Variants in MS4A13 observed in about 807,000 individuals in gnomAD.
The protein encoded by MS4A13 is membrane spanning 4-domains A13, also known as membrane-spanning 4-domains subfamily A member 13.
Under a neutral mutation model 18.4 loss-of-function variants are expected in MS4A13, and 21 were observed. The observed-to-expected ratio is 1.14, with a 90% CI of 0.81 to 1.64. The LOEUF (loss-of-function observed/expected upper bound fraction) is 1.64, where lower values mean the gene tolerates loss of function less well. Ranked by LOEUF, MS4A13 falls within the 40% of genes most tolerant of loss-of-function variation. The pLI is 0.00. For missense variants in MS4A13, 173 were observed against 176.8 expected (o/e 0.98, Z 0.12); for synonymous variants, 62 against 57.2 (o/e 1.08, Z -0.38).
Position 60,527,859 on chromosome 11 carries a change from A to T in MS4A13, c.307-1506A>T, listed in dbSNP as rs112848773. The stretch of plus-strand genomic sequence containing the variant: ...TCAAAATAAATTAAATTAAAAAATT[A>T]AAAAAAATAAGGAATATGGGTAAAA... On this transcript the variant is annotated intron_variant, in intron 5 of 6. Coordinates refer to ENST00000378186, the MANE Select transcript of MS4A13 (RefSeq NM_001012417.3). Among the ~76,000 whole-genome samples, 1,207 of 152,122 alleles carry T rather than the reference A, an allele frequency of 7.9e-3. 13 individuals carry two copies. The highest frequency in any genetic ancestry group is 0.027 in the African/African-American group (1,116 of 41,500).
chr11:60,533,528 G>A (rs1316293573), intron 6 of MS4A13, among the ~76,000 whole-genome samples: 1 of 119,054 alleles, frequency 8.4e-6, no homozygotes, highest in African/African-American at 3.3e-5. Context: ...TATGTGAAAA[G>A]ACCAAATCTA....
chr11:60,527,390 C>CTGTGTGTG, intron 5 of MS4A13, among the ~76,000 whole-genome samples: 1 of 125,940 alleles, frequency 7.9e-6, no homozygotes, highest in African/African-American at 3.6e-5. Context: ...CTCTCTCTCT[C>CTGTGTGTG]TCTCTCTCTC....
At chr11:60,541,847 A>G (rs1297735055) in intron 6 of MS4A13, among the ~76,000 whole-genome samples, 2 of 152,128 alleles carry the variant, frequency 1.3e-5, no homozygotes, top group African/African-American at 4.8e-5. Context: ...ACCTGTAATC[A>G]TAACACTTTG....
chr11:60,533,602 G>C (rs1422557768), intron 6 of MS4A13, among the ~76,000 whole-genome samples: 1 of 111,588 alleles, frequency 9.0e-6, no homozygotes, highest in Admixed American at 1.0e-4. Flanking sequence ...CACTCTGCAG[G>C]ATATTATCCA....
chr11:60,526,310 G>T (rs1263623148), intron 5 of MS4A13, among the ~76,000 whole-genome samples: 2 of 152,144 alleles, frequency 1.3e-5, no homozygotes, highest in Non-Finnish European at 2.9e-5. Context: ...ATTCAATCTA[G>T]AAATCTTTAG....
At position 60,529,435 on chromosome 11, in the gene MS4A13, A is replaced by T; in HGVS notation, c.377A>T (p.His126Leu). The change falls in exon 6 of 7, where the codon CAC becomes CTC. Residue 126 changes from histidine (H) to leucine (L), a missense_variant. Transcript: ENST00000378186. ...TTGGAATTTTCTATTGCACTTACACACTCAATATACAGCTGTTCCAATTTG... is the reference window on the plus strand; with the variant it reads ...TTGGAATTTTCTATTGCACTTACACTCTCAATATACAGCTGTTCCAATTTG... The part of the protein sequence containing the change: ...YGLEFSIALT[H>L]SIYSCSNLFR... 1 of 1,605,960 alleles carries T rather than the reference A, an allele frequency of 6.2e-7. No homozygotes were observed.
intron 6 of MS4A13, among the ~76,000 whole-genome samples, chr11:60,530,861 T>C (rs183304165): frequency 1.3e-5 from 2 of 152,208 alleles, no homozygotes; most frequent in African/African-American, 4.8e-5. Flanking sequence ...TTTATAAGTG[T>C]TTAGCAAGTT....
At position 60,529,350 on chromosome 11, in the gene MS4A13, G is replaced by GT. The variant is rs368274488; in HGVS notation, c.307-9dup. 11 of 1,439,790 alleles carry GT rather than the reference G, an allele frequency of 7.6e-6. No homozygotes were observed. The African/African-American group carries it at 1.4e-4, about 19-fold the overall frequency. The allele number at this position is 1,439,790 out of a possible 1,614,324, so 89.2% of individuals were successfully genotyped here. A position where few individuals can be genotyped will look rare whatever the true frequency, so the allele number is the denominator to read the frequency against. ...GATAATAGCATTAAGATTTCTCCCT[G>GT]TTTTTTGGTTATAGAAACTTGGGAG... On this transcript the variant is annotated splice_polypyrimidine_tract_variant and intron_variant, in intron 5 of 6. Coordinates refer to ENST00000378186, the MANE Select transcript of MS4A13 (RefSeq NM_001012417.3).
intron 6 of MS4A13, among the ~76,000 whole-genome samples, chr11:60,541,618 T>G (rs1260066679): frequency 1.3e-5 from 2 of 152,158 alleles, no homozygotes; most frequent in African/African-American, 4.8e-5. Flanking sequence ...GAAAAAAAAT[T>G]GACCTTATCT....
intron 6 of MS4A13, among the ~76,000 whole-genome samples, chr11:60,542,228 G>GAAGGAAGGA (rs71043710): frequency 0.54 from 77,872 of 143,458 alleles, 21,658 homozygotes; most frequent in Middle Eastern, 0.64. Flanking sequence ...AGAAAGAAAG[G>GAAGGAAGGA]AAGGAAGGAA....
At chr11:60,518,434 A>G (rs1565209790) in intron 3 of MS4A13, among the ~76,000 whole-genome samples, 2 of 152,222 alleles carry the variant, frequency 1.3e-5, no homozygotes, top group African/African-American at 4.8e-5. Context: ...ACAGGAGTAC[A>G]CAATGACAAC....
chr11:60,529,484 C>T (rs1475917403), intron 6 of MS4A13, 24 bp downstream of exon 6: 3 of 1,381,808 alleles, frequency 2.2e-6, no homozygotes, highest in Non-Finnish European at 3.0e-6. Flanking sequence ...CACTCTCTGG[C>T]AAATCAAAAG....
intron 3 of MS4A13, among the ~76,000 whole-genome samples, chr11:60,522,505 C>CA (rs1392837993): frequency 1.6e-4 from 25 of 152,040 alleles, no homozygotes; most frequent in Admixed American, 6.6e-5. Flanking sequence ...TTATCCCACA[C>CA]TTCGAACAGA....
At chr11:60,532,817 G>A (rs1329593021) in intron 6 of MS4A13, among the ~76,000 whole-genome samples, 1 of 97,952 alleles carries the variant, frequency 1.0e-5, no homozygotes, top group African/African-American at 4.0e-5. Flanking sequence ...GCACGCAGCT[G>A]GAGATCTGAG....
At chr11:60,525,155 A>C in intron 4 of MS4A13, 52 bp from the exon 5 acceptor site, 1 of 1,407,772 alleles carries the variant, frequency 7.1e-7, no homozygotes, top group Admixed American at 1.8e-5. Context: ...AAACTATTAC[A>C]CCAAAATGTT....
chr11:60,527,406 C>CTGTATG (rs1408422219), intron 5 of MS4A13, among the ~76,000 whole-genome samples: 1 of 46,084 alleles, frequency 2.2e-5, no homozygotes, highest in Non-Finnish European at 3.9e-5. Context: ...CTCTCTCTCT[C>CTGTATG]TCTCTGTGTG....
chr11:60,531,770 A>T (rs1026438148), intron 6 of MS4A13, among the ~76,000 whole-genome samples: 3 of 152,050 alleles, frequency 2.0e-5, no homozygotes, highest in Admixed American at 6.6e-5. Context: ...TCTTCTCTTT[A>T]TTTGTCTGTG....
intron 6 of MS4A13, among the ~76,000 whole-genome samples, chr11:60,532,798 G>A (rs1172693921): frequency 6.5e-5 from 7 of 108,356 alleles, no homozygotes; most frequent in Non-Finnish European, 1.1e-4. Context: ...GAGAGCAGTG[G>A]TTCTCCCAGC....
At position 60,523,982 on chromosome 11, in the gene MS4A13, G is replaced by C. The variant is rs2086695376; in HGVS notation, c.186+29G>C. ...AGTTGAAATGTTTGAGGTATCTCTA[G>C]AAATCACTTATCACAAAGCTAAATA... On this transcript the variant is annotated intron_variant, in intron 4 of 6. Transcript: ENST00000378186. 3.7e-6 allele frequency: 5 copies of C among 1,335,160 alleles called. No individual in the cohort carries two copies. In the East Asian group the frequency reaches 1.1e-4, roughly 31 times the overall value. The allele number at this position is 1,335,160 out of a possible 1,614,324, so 82.7% of individuals were successfully genotyped here. A position where few individuals can be genotyped will look rare whatever the true frequency, so the allele number is the denominator to read the frequency against.
Sources: allele counts gnomAD v4.1 joint callset (sites outside exome capture counted in the v4.1 genomes callset), GRCh38; gene constraint gnomAD v4.1.1; transcripts MANE v1.5; gene names NCBI Gene and HGNC (gene_info 2026-07-23, HGNC 2026-07-21).